Variants in TINAG observed in about 807,000 individuals in gnomAD.
TINAG encodes tubulointerstitial nephritis antigen.
Under a neutral mutation model 72.7 loss-of-function variants are expected in TINAG, and 83 were observed. The observed-to-expected ratio is 1.14, with a 90% CI of 0.96 to 1.37. The LOEUF (loss-of-function observed/expected upper bound fraction) is 1.37, where lower values mean the gene tolerates loss of function less well. Ranked by LOEUF, TINAG falls within the 40% of genes most tolerant of loss-of-function variation. The pLI is 0.00. For synonymous variants in TINAG, 234 were observed against 189.9 expected, an observed-to-expected ratio of 1.23 and a Z score of -1.91; for missense variants, 685 against 576.6, an observed-to-expected ratio of 1.19 and a Z score of -1.93.
At chr6:54,385,264 GA>G (rs1030830314) in intron 10 of TINAG, among the ~76,000 whole-genome samples, 1 of 151,896 alleles carries the variant, frequency 6.6e-6, no homozygotes, top group African/African-American at 2.4e-5. Flanking sequence ...TAGGAAGACT[GA>G]AAAAGAAACA....
At chr6:54,321,526 T>C (rs1784490872) in intron 3 of TINAG, 140 bp downstream of exon 3, 1 of 629,764 alleles carries the variant, frequency 1.6e-6, no homozygotes, top group Non-Finnish European at 2.8e-6. Context: ...AGAAAGCATG[T>C]AAACCTGGAA....
At chr6:54,353,585 GT>G (rs2150962168) in intron 8 of TINAG, among the ~76,000 whole-genome samples, 1 of 151,878 alleles carries the variant, frequency 6.6e-6, no homozygotes, top group South Asian at 2.1e-4. Context: ...AGATAAAGAA[GT>G]TTTAACCTCT....
intron 4 of TINAG, among the ~76,000 whole-genome samples, chr6:54,339,029 A>G (rs1031952311): frequency 6.6e-6 from 1 of 152,170 alleles, no homozygotes; most frequent in African/African-American, 2.4e-5. Flanking sequence ...ATCACAGTTC[A>G]TCCATTTTCA....
Position 54,349,621 on chromosome 6 carries a change from A to G in TINAG, c.900-95A>G, listed in dbSNP as rs186722533. 3,789 of 1,178,164 alleles carry G rather than the reference A, an allele frequency of 3.2e-3. 16 individuals carry two copies. The highest frequency in any genetic ancestry group is 0.013 in the Middle Eastern group (61 of 4,764). The allele number at this position is 1,178,164 out of a possible 1,614,324, so 73.0% of individuals were successfully genotyped here. A position where few individuals can be genotyped will look rare whatever the true frequency, so the allele number is the denominator to read the frequency against. On this transcript the variant is annotated intron_variant, in intron 6 of 10. Transcript: ENST00000259782. ...ATTATGCATGTAAGTAACCAGAATA[A>G]TTTATGAATGTTTAATTCAGTAAGA...
intron 5 of TINAG, among the ~76,000 whole-genome samples, 189 bp downstream of exon 5, chr6:54,343,538 T>G (rs1785051240): frequency 6.6e-6 from 1 of 151,854 alleles, no homozygotes. Flanking sequence ...TAAAAGTTTT[T>G]TTTTTTTATT....
chr6:54,380,845 TC>T (rs1332737453), intron 10 of TINAG, among the ~76,000 whole-genome samples: 1 of 151,460 alleles, frequency 6.6e-6, no homozygotes, highest in African/African-American at 2.4e-5. Flanking sequence ...TCTATTATCT[TC>T]TATATTAAAC....
chr6:54,338,385 C>T (rs886656753), intron 4 of TINAG, among the ~76,000 whole-genome samples: 9 of 152,114 alleles, frequency 5.9e-5, no homozygotes, highest in African/African-American at 1.9e-4. Context: ...ATTCTCTGGC[C>T]TCTCCATGGC....
At position 54,350,670 on chromosome 6, in the gene TINAG, A is replaced by G. The variant is rs1049077343; in HGVS notation, c.1081-682A>G. Among the ~76,000 whole-genome samples the G allele has an allele frequency of 2.0e-5, 3 of 147,388 alleles. No individual in the cohort carries two copies. The Admixed American group carries it at 2.1e-4, about 10-fold the overall frequency. ...CCTTTCCATCTAGAATGCCAAGCAAATGTCAAGGCCCAGGTAAAAACTTCA... is the reference window on the plus strand; with the variant it reads ...CCTTTCCATCTAGAATGCCAAGCAAGTGTCAAGGCCCAGGTAAAAACTTCA... On this transcript the variant is annotated intron_variant, in intron 7 of 10. Transcript: ENST00000259782.
intron 9 of TINAG, among the ~76,000 whole-genome samples, chr6:54,355,852 AGAAG>A (rs201832646): frequency 4.8e-4 from 73 of 151,722 alleles, no homozygotes; most frequent in South Asian, 1.9e-3. Flanking sequence ...AAAGAAAGAA[AGAAG>A]GAAGGAAGGA....
intron 4 of TINAG, among the ~76,000 whole-genome samples, chr6:54,338,432 A>G (rs1039200366): frequency 2.6e-5 from 4 of 151,944 alleles, no homozygotes; most frequent in Non-Finnish European, 4.4e-5. Context: ...TCCATAAAAC[A>G]CTAGTTTGGC....
intron 10 of TINAG, among the ~76,000 whole-genome samples, chr6:54,388,880 C>T (rs949687070): frequency 2.6e-5 from 4 of 151,882 alleles, no homozygotes; most frequent in Non-Finnish European, 4.4e-5. Context: ...ACTTTATTTT[C>T]TCTTATCCAA....
chr6:54,350,053 G>T (rs576139747), intron 7 of TINAG, among the ~76,000 whole-genome samples, 157 bp downstream of exon 7: 1 of 151,900 alleles, frequency 6.6e-6, no homozygotes, highest in African/African-American at 2.4e-5. Flanking sequence ...AGGACTTTCA[G>T]TTTGGGTATG....
chr6:54,387,346 T>A (rs907624517), intron 10 of TINAG, among the ~76,000 whole-genome samples: 8 of 152,166 alleles, frequency 5.3e-5, no homozygotes, highest in Non-Finnish European at 8.8e-5. Flanking sequence ...ATCATGTTTA[T>A]CACCAGGAGA....
intron 10 of TINAG, among the ~76,000 whole-genome samples, chr6:54,385,808 T>C (rs562890239): frequency 1.3e-5 from 2 of 151,498 alleles, no homozygotes; most frequent in East Asian, 3.9e-4. Context: ...GAATGCAAGG[T>C]TGGTTTCAAG....
chr6:54,320,641 T>A lies in TINAG; in HGVS notation c.418T>A (p.Cys140Ser). The A allele has an allele frequency of 6.2e-7, 1 of 1,607,550 alleles. No individual in the cohort carries two copies. Among genetic ancestry groups the A allele is most frequent in the Non-Finnish European group, 8.5e-7 (1 of 1,176,634 alleles). ...AGTAATTAAAGAAAACTGCAACTCC[T>A]GGTAATAAATTTAAGTGGCACAGAA... ...GSVIKENCNS[C>S]TCSGQQWKCS... Residue 140 changes from cysteine to serine, a missense_variant and splice_region_variant, in exon 2 of 11, where the codon TGC becomes AGC. Coordinates refer to ENST00000259782, the MANE Select transcript of TINAG (RefSeq NM_014464.4).
chr6:54,308,150 G>C (rs964879630), upstream of TINAG: 5 of 1,544,170 alleles, frequency 3.2e-6, no homozygotes, highest in Admixed American at 9.8e-5. Flanking sequence ...CACCTTGCCA[G>C]TGGTTATTAC....
At chr6:54,332,036 T>C (rs1784754169) in intron 4 of TINAG, among the ~76,000 whole-genome samples, 1 of 152,212 alleles carries the variant, frequency 6.6e-6, no homozygotes, top group Non-Finnish European at 1.5e-5. Context: ...AAAATGACCA[T>C]ACTGCCTAAA....
At chr6:54,316,678 A>G (rs141421000) in intron 1 of TINAG, among the ~76,000 whole-genome samples, 483 of 152,294 alleles carry the variant, frequency 3.2e-3, no homozygotes, top group African/African-American at 0.011. Context: ...TTGCAATTCA[A>G]GAAGTGAAGT....
At position 54,347,453 on chromosome 6, in the gene TINAG, A is replaced by G; in HGVS notation, c.835A>G (p.Lys279Glu). ...SPQNLISCCA[K>E]NRHGCNSGSI... ...TCAGAATTTGATCTCTTGCTGTGCC[A>G]AGAACCGTCATGGATGCAATAGTGG... Residue 279 changes from lysine (K) to glutamate (E), a missense_variant, in exon 6 of 11, where the codon AAG (lysine) becomes GAG (glutamate). Transcript: ENST00000259782. 6.2e-7 allele frequency: 1 copy of G among 1,613,370 alleles called. No individual in the cohort carries two copies. The highest frequency in any genetic ancestry group is 1.1e-5 in the South Asian group (1 of 91,068).
Sources: gnomAD v4.1 joint callset for allele counts (sites outside exome capture counted in the v4.1 genomes callset) on GRCh38, gnomAD v4.1.1 for gene constraint, MANE v1.5 for transcripts, NCBI Gene and HGNC (gene_info 2026-07-23, HGNC 2026-07-21) for gene names.